SMCO4: variants seen among roughly 807,000 people sequenced by gnomAD.
SMCO4 encodes single-pass membrane and coiled-coil domain-containing protein 4.
In SMCO4, 4 loss-of-function variants were observed where a neutral mutation model predicts 3.6. The ratio of observed to expected loss-of-function variants is 1.11; its 90% CI spans 0.54 to 2.53. SMCO4 has a LOEUF of 2.53. Among genes scored for constraint, SMCO4 ranks in the 30% most tolerant of loss-of-function variants. The pLI, the probability that SMCO4 is intolerant of heterozygous loss-of-function variation, is 0.02. For missense variants in SMCO4, 70 were observed against 80.8 expected (o/e 0.87, Z 0.51); for synonymous variants, 36 against 35.3 (o/e 1.02, Z -0.07).
chr11:93,508,567 C>A (rs1321119190), intron 1 of SMCO4, among the ~76,000 whole-genome samples: 1 of 152,114 alleles, frequency 6.6e-6, no homozygotes, highest in Non-Finnish European at 1.5e-5. Context: ...GAATGGAATT[C>A]TGCAAAATGA....
chr11:93,478,947 T>G lies in SMCO4; in HGVS notation c.*63A>C. 1 of 1,533,972 alleles carries G rather than the reference T, an allele frequency of 6.5e-7. No homozygotes were observed. The highest frequency in any genetic ancestry group is 8.8e-7 in the Non-Finnish European group (1 of 1,142,154). ...ATCTCTGAATATGAAAGCCATTTTT[T>G]GTTTGCGTCCCCCTCCCGCGCCTCC... On this transcript the variant is annotated 3_prime_UTR_variant, in exon 3 of 3. Transcript: ENST00000298966.
chr11:93,527,591 G>A (rs1565387349), intron 1 of SMCO4, among the ~76,000 whole-genome samples: 1 of 151,872 alleles, frequency 6.6e-6, no homozygotes, highest in Non-Finnish European at 1.5e-5. Context: ...TAAGTAGCTG[G>A]GACTACAGGC....
chr11:93,498,117 C>T (rs571773972), intron 2 of SMCO4, among the ~76,000 whole-genome samples: 1 of 152,304 alleles, frequency 6.6e-6, no homozygotes, highest in South Asian at 2.1e-4. Flanking sequence ...GCCCAATACA[C>T]GTCAAACCCA....
intron 1 of SMCO4, 75 bp downstream of exon 1, chr11:93,543,201 G>GATGCCCC (rs1565393416): frequency 7.1e-5 from 9 of 126,100 alleles, no homozygotes; most frequent in African/African-American, 2.3e-4. Context: ...CCCGGTGCCC[G>GATGCCCC]GTGCCCCGTG....
At chr11:93,515,552 A>G (rs1433177277) in intron 1 of SMCO4, among the ~76,000 whole-genome samples, 1 of 152,210 alleles carries the variant, frequency 6.6e-6, no homozygotes, top group African/African-American at 2.4e-5. Flanking sequence ...TTGGCAAAAG[A>G]AAATTTGAAA....
chr11:93,504,456 G>A (rs1338305893), intron 1 of SMCO4, among the ~76,000 whole-genome samples: 1 of 152,216 alleles, frequency 6.6e-6, no homozygotes, highest in Non-Finnish European at 1.5e-5. Context: ...AGATTTTTGT[G>A]CATTCCCAGA....
chr11:93,484,365 A>G (rs1400371711), intron 2 of SMCO4, among the ~76,000 whole-genome samples: 6 of 152,210 alleles, frequency 3.9e-5, no homozygotes, highest in African/African-American at 1.2e-4. Context: ...TTTGGAGATT[A>G]TAATGTACAC....
rs554616650 is a variant in SMCO4 at position 93,515,123 on chromosome 11, C to CT, written c.-153-15776dup. Among the ~76,000 whole-genome samples the CT allele has an allele frequency of 1.6e-3, 242 of 152,018 alleles. 8 individuals carry two copies. The South Asian group carries it at 0.049, about 31-fold the overall frequency. On this transcript the variant is annotated intron_variant, in intron 1 of 2. Coordinates refer to ENST00000298966, the MANE Select transcript of SMCO4 (RefSeq NM_020179.3). ...TAATTAAAACTCAACTCAGAGAAAG[C>CT]TTTTTTTTAGGTTTGGAAAGGCCAT...
chr11:93,483,574 T>A (rs1259277711), intron 2 of SMCO4, among the ~76,000 whole-genome samples: 1 of 152,150 alleles, frequency 6.6e-6, no homozygotes, highest in Admixed American at 6.5e-5. Flanking sequence ...CACACTCTCC[T>A]CCTTCTAGTC....
chr11:93,488,693 A>G (rs924286981), intron 2 of SMCO4, among the ~76,000 whole-genome samples: 3 of 152,150 alleles, frequency 2.0e-5, no homozygotes, highest in Non-Finnish European at 4.4e-5. Context: ...CATCCCTAGT[A>G]GAGGCATGAA....
Position 93,514,286 on chromosome 11 carries a change from G to A in SMCO4, c.-153-14938C>T, listed in dbSNP as rs117540055. Among the ~76,000 whole-genome samples the A allele has an allele frequency of 4.9e-3, 744 of 150,666 alleles. 32 individuals carry two copies. In the East Asian group the frequency reaches 0.072, roughly 15 times the overall value. ...ATGCTAAACTCTGGAATGGGCAATT[G>A]GCATGGGTCATCAATATAATGATCA... On this transcript the variant is annotated intron_variant, in intron 1 of 2. Transcript: ENST00000298966.
intron 1 of SMCO4, among the ~76,000 whole-genome samples, chr11:93,525,527 A>G (rs1180324714): frequency 6.6e-6 from 1 of 151,170 alleles, no homozygotes; most frequent in Non-Finnish European, 1.5e-5. Flanking sequence ...GAAAAATTCC[A>G]CTCCCCCCAT....
chr11:93,534,430 G>T (rs994565063), intron 1 of SMCO4, among the ~76,000 whole-genome samples: 1 of 149,876 alleles, frequency 6.7e-6, no homozygotes, highest in Admixed American at 6.6e-5. Context: ...ACACAAATAG[G>T]TGGAGTTACT....
intron 1 of SMCO4, among the ~76,000 whole-genome samples, chr11:93,534,827 C>G (rs989926858): frequency 5.3e-5 from 8 of 152,234 alleles, no homozygotes; most frequent in African/African-American, 1.7e-4. Context: ...AGCCACCAGA[C>G]GCCTTCTCTG....
At chr11:93,479,310 T>C (rs1948564254) in intron 2 of SMCO4, 41 bp from the exon 3 acceptor site, 12 of 1,425,110 alleles carry the variant, frequency 8.4e-6, no homozygotes, top group Non-Finnish European at 1.0e-5. Flanking sequence ...ATAAACCAAA[T>C]AGAAGAAAAA....
At chr11:93,541,610 C>T (rs1470734370) in intron 1 of SMCO4, among the ~76,000 whole-genome samples, 1 of 152,096 alleles carries the variant, frequency 6.6e-6, no homozygotes, top group Non-Finnish European at 1.5e-5. Flanking sequence ...AATTCGGGTC[C>T]ACAGGTGAAA....
chr11:93,489,663 A>G (rs1053105039), intron 2 of SMCO4, among the ~76,000 whole-genome samples: 8 of 152,242 alleles, frequency 5.3e-5, no homozygotes, highest in African/African-American at 1.9e-4. Context: ...TGTGAGGATG[A>G]CATGAGATTA....
chr11:93,505,784 C>G (rs1356639644), intron 1 of SMCO4, among the ~76,000 whole-genome samples: 1 of 151,958 alleles, frequency 6.6e-6, no homozygotes, highest in Non-Finnish European at 1.5e-5. Context: ...AACCAATGTT[C>G]TAAGGAAACC....
chr11:93,497,561 C>G (rs1427986424), intron 2 of SMCO4, among the ~76,000 whole-genome samples: 3 of 152,024 alleles, frequency 2.0e-5, no homozygotes, highest in African/African-American at 7.3e-5. Flanking sequence ...AAGGTCAAGA[C>G]TCCCCTCCCT....
Sources: gnomAD v4.1 joint callset for allele counts (sites outside exome capture counted in the v4.1 genomes callset) on GRCh38, gnomAD v4.1.1 for gene constraint, MANE v1.5 for transcripts, NCBI Gene and HGNC (gene_info 2026-07-23, HGNC 2026-07-21) for gene names.